MCPH1: variants seen among roughly 807,000 people sequenced by gnomAD.
MCPH1 encodes the protein microcephalin.
Under a neutral mutation model 84.5 loss-of-function variants are expected in MCPH1, and 104 were observed. The ratio of observed to expected loss-of-function variants is 1.23; its 90% CI spans 1.05 to 1.45. MCPH1 has a LOEUF of 1.45. Ranked by LOEUF, MCPH1 falls within the 40% of genes most tolerant of loss-of-function variation. The probability of loss-of-function intolerance (pLI) is 0.00; values close to 1 mark genes in which losing one functional copy is unlikely to be tolerated. For synonymous variants in MCPH1, 514 were observed against 366.8 expected, an observed-to-expected ratio of 1.40 and a Z score of -4.58; for missense variants, 1,498 against 1,005.7, an observed-to-expected ratio of 1.49 and a Z score of -6.62.
At chr8:6,561,962 C>T (rs1269600888) in intron 12 of MCPH1, among the ~76,000 whole-genome samples, 3 of 152,114 alleles carry the variant, frequency 2.0e-5, no homozygotes, top group African/African-American at 4.8e-5. Context: ...CACGTGGGGA[C>T]GCATTCCGCA....
At chr8:6,570,812 T>G (rs1419203470) in intron 12 of MCPH1, among the ~76,000 whole-genome samples, 8 of 150,532 alleles carry the variant, frequency 5.3e-5, no homozygotes, top group Non-Finnish European at 8.9e-5. Context: ...TGTTTTTTTT[T>G]TTTTTTTTTT....
chr8:6,539,937 C>CTG (rs145698255), intron 12 of MCPH1, among the ~76,000 whole-genome samples: 3 of 151,862 alleles, frequency 2.0e-5, no homozygotes, highest in Admixed American at 6.6e-5. Flanking sequence ...ATAACCAACC[C>CTG]CTTTCCTACT....
chr8:6,542,210 G>A (rs1274385214), intron 12 of MCPH1, among the ~76,000 whole-genome samples: 1 of 152,082 alleles, frequency 6.6e-6, no homozygotes, highest in African/African-American at 2.4e-5. Flanking sequence ...ATGTCTCAGT[G>A]TTTTTCTATG....
intron 12 of MCPH1, among the ~76,000 whole-genome samples, chr8:6,609,929 G>C (rs1014739298): frequency 1.4e-5 from 2 of 147,874 alleles, no homozygotes; most frequent in Non-Finnish European, 3.0e-5. Flanking sequence ...TTTTTGTCTG[G>C]ATAAGTTCTT....
At chr8:6,418,281 A>G (rs1799608884) in intron 3 of MCPH1, among the ~76,000 whole-genome samples, 2 of 152,090 alleles carry the variant, frequency 1.3e-5, no homozygotes, top group Admixed American at 1.3e-4. Context: ...CCTTTAGGGG[A>G]CAGACAGAAA....
intron 12 of MCPH1, chr8:6,502,914 C>A (rs988140473): frequency 9.6e-5 from 60 of 627,084 alleles, no homozygotes; most frequent in Non-Finnish European, 1.6e-4. Flanking sequence ...TTGCTTTGGT[C>A]CGTTAAGTGA....
chr8:6,464,186 T>G (rs1806590004), intron 9 of MCPH1, among the ~76,000 whole-genome samples: 1 of 152,200 alleles, frequency 6.6e-6, no homozygotes, highest in Non-Finnish European at 1.5e-5. Context: ...TGCCCTTGGT[T>G]TCCAACACAG....
chr8:6,449,054 A>T (rs1461711868), intron 8 of MCPH1, among the ~76,000 whole-genome samples: 1 of 152,224 alleles, frequency 6.6e-6, no homozygotes, highest in Non-Finnish European at 1.5e-5. Flanking sequence ...CCCATCACCA[A>T]CATTGATTGC....
intron 12 of MCPH1, among the ~76,000 whole-genome samples, chr8:6,568,801 C>T (rs1826432077): frequency 6.6e-6 from 1 of 152,236 alleles, no homozygotes; most frequent in South Asian, 2.1e-4. Flanking sequence ...CTACAGTCTG[C>T]TTTCCTCCCA....
intron 13 of MCPH1, among the ~76,000 whole-genome samples, chr8:6,637,066 A>G (rs1386227764): frequency 6.6e-6 from 1 of 152,234 alleles, no homozygotes; most frequent in Non-Finnish European, 1.5e-5. Flanking sequence ...AGACTGGGCT[A>G]CTTTCTTCAA....
At chr8:6,504,746 G>A (rs1812933264) in intron 12 of MCPH1, among the ~76,000 whole-genome samples, 1 of 152,240 alleles carries the variant, frequency 6.6e-6, no homozygotes, top group East Asian at 1.9e-4. Flanking sequence ...GCAATATGTT[G>A]TATATTATTC....
At chr8:6,635,935 C>T (rs535242978) in intron 13 of MCPH1, among the ~76,000 whole-genome samples, 1 of 152,310 alleles carries the variant, frequency 6.6e-6, no homozygotes, top group East Asian at 1.9e-4. Context: ...CTGCTTAGCT[C>T]CCCTGAGCAC....
chr8:6,629,438 T>C (rs536938802), intron 13 of MCPH1, among the ~76,000 whole-genome samples: 2 of 152,218 alleles, frequency 1.3e-5, no homozygotes, highest in East Asian at 1.9e-4. Flanking sequence ...CTCCAACCTG[T>C]GCAACAGAGC....
chr8:6,606,259 C>T (rs911928052), intron 12 of MCPH1, among the ~76,000 whole-genome samples: 5 of 152,118 alleles, frequency 3.3e-5, no homozygotes, highest in East Asian at 1.9e-4. Flanking sequence ...TCCATTTACT[C>T]GCACATAAAA....
At position 6,475,556 on chromosome 8, in the gene MCPH1, C is replaced by T. The variant is rs11137031; in HGVS notation, c.1936-2038C>T. Among the ~76,000 whole-genome samples, 192 of 152,290 alleles carry T rather than the reference C, an allele frequency of 1.3e-3. 3 individuals are homozygous for T. In the East Asian group the frequency reaches 0.031, roughly 24 times the overall value. On this transcript the variant is annotated intron_variant, in intron 9 of 13. Transcript: ENST00000344683. ...AATGTGCAAATTCAGCACACCAACA[C>T]GATAGGAAATAAGTTCCAAGATTTA...
At chr8:6,639,846 T>C (rs1046399293) in intron 13 of MCPH1, among the ~76,000 whole-genome samples, 4 of 152,098 alleles carry the variant, frequency 2.6e-5, no homozygotes, top group Admixed American at 1.3e-4. Flanking sequence ...TTTTTAACCA[T>C]TGGGAGGTAC....
intron 12 of MCPH1, among the ~76,000 whole-genome samples, chr8:6,613,519 C>G (rs999448290): frequency 6.6e-6 from 1 of 151,726 alleles, no homozygotes; most frequent in Non-Finnish European, 1.5e-5. Context: ...CAGTCGCATC[C>G]GCTGGGCAGG....
intron 9 of MCPH1, among the ~76,000 whole-genome samples, chr8:6,460,660 C>G (rs1463420547): frequency 6.6e-6 from 1 of 152,020 alleles, no homozygotes; most frequent in Non-Finnish European, 1.5e-5. Flanking sequence ...CTGTTGTTTT[C>G]AATCATACGT....
intron 12 of MCPH1, among the ~76,000 whole-genome samples, chr8:6,587,539 C>A (rs549588793): frequency 6.6e-6 from 1 of 152,256 alleles, no homozygotes; most frequent in South Asian, 2.1e-4. Flanking sequence ...TGAATTCTTT[C>A]CAGTTTTCAC....
Sources: allele counts gnomAD v4.1 joint callset (sites outside exome capture counted in the v4.1 genomes callset), GRCh38; gene constraint gnomAD v4.1.1; transcripts MANE v1.5; gene names NCBI Gene and HGNC (gene_info 2026-07-23, HGNC 2026-07-21).